Variants in GIGYF2 observed in about 807,000 individuals in gnomAD.
GIGYF2 encodes the protein GRB10 interacting GYF protein 2.
Under a neutral mutation model 208.1 loss-of-function variants are expected in GIGYF2, and 25 were observed. The observed-to-expected ratio is 0.12, with a 90% CI of 0.09 to 0.17. The LOEUF (loss-of-function observed/expected upper bound fraction) is 0.17, where lower values mean the gene tolerates loss of function less well. Ranked by LOEUF, GIGYF2 falls within the 10% of genes least tolerant of loss-of-function variation. The pLI is 1.00. For missense variants in GIGYF2, 1,302 were observed against 1,579.4 expected (o/e 0.82, Z 2.98); for synonymous variants, 534 against 543.8 (o/e 0.98, Z 0.25).
chr2:232,815,576 G>T, intron 18 of GIGYF2, 61 bp from the exon 19 acceptor site: 1 of 911,702 alleles, frequency 1.1e-6, no homozygotes, highest in Non-Finnish European at 1.8e-6. Flanking sequence ...TGATTCCTAC[G>T]GATATGTCAC....
chr2:232,800,624 G>T (rs1700368418), intron 14 of GIGYF2, among the ~76,000 whole-genome samples: 1 of 148,206 alleles, frequency 6.7e-6, no homozygotes, highest in African/African-American at 2.5e-5. Context: ...TTGCTCTGTT[G>T]CCCAGGCTGG....
intron 5 of GIGYF2, 24 bp from the exon 6 acceptor site, chr2:232,756,197 CTT>C (rs759525243): frequency 0.029 from 20,101 of 689,952 alleles, no homozygotes; most frequent in East Asian, 0.059. Context: ...TCCTTTTTCT[CTT>C]TTTTTTTTTT....
chr2:232,847,692 A>G, intron 27 of GIGYF2, 121 bp downstream of exon 27: 1 of 1,343,972 alleles, frequency 7.4e-7, no homozygotes, highest in East Asian at 2.3e-5. Flanking sequence ...ACCATGCTTT[A>G]AAAAATGTGT....
chr2:232,850,000 A>G (rs753758653), intron 27 of GIGYF2, among the ~76,000 whole-genome samples: 15 of 152,206 alleles, frequency 9.9e-5, no homozygotes, highest in Non-Finnish European at 1.6e-4. Context: ...TTCTGCCGTC[A>G]CAGCAGGGTG....
intron 3 of GIGYF2, among the ~76,000 whole-genome samples, chr2:232,736,937 C>G (rs1295919401): frequency 6.6e-6 from 1 of 152,186 alleles, no homozygotes; most frequent in Non-Finnish European, 1.5e-5. Context: ...AAAAGAAAAA[C>G]TGATGATATT....
chr2:232,718,075 T>C (rs996303121), intron 2 of GIGYF2, among the ~76,000 whole-genome samples: 1 of 152,090 alleles, frequency 6.6e-6, no homozygotes. Flanking sequence ...TGAATATCAG[T>C]AATTTTTTTT....
At chr2:232,851,254 G>A (rs528385812) in intron 28 of GIGYF2, among the ~76,000 whole-genome samples, 4 of 152,294 alleles carry the variant, frequency 2.6e-5, no homozygotes, top group African/African-American at 9.6e-5. Context: ...GTTGAAGGCT[G>A]CAGTGAGCTG....
At chr2:232,793,058 T>C (rs1700118492) in intron 12 of GIGYF2, among the ~76,000 whole-genome samples, 1 of 151,948 alleles carries the variant, frequency 6.6e-6, no homozygotes, top group South Asian at 2.1e-4. Context: ...AATTTGGAGG[T>C]AAGTGTAGAT....
Position 232,752,457 on chromosome 2 carries a change from A to AG in GIGYF2, c.267+3376dup, listed in dbSNP as rs538043101. ...ATGTATCTGTGTATCAAATATAGTG[A>AG]GAAAAAAATGCATTACACCTGCAAT... On this transcript the variant is annotated intron_variant, in intron 5 of 28. Transcript: ENST00000373563. 1.2e-4 allele frequency among the ~76,000 whole-genome samples: 18 copies of AG among 152,330 alleles called. No individual in the cohort carries two copies. In the East Asian group the frequency reaches 3.5e-3, roughly 29 times the overall value.
In GIGYF2 at chr2:232,815,662, T is replaced by A; in HGVS notation, c.2133T>A (p.Asp711Glu). 1 of 1,600,050 alleles carries A rather than the reference T, an allele frequency of 6.2e-7. No individual in the cohort carries two copies. Among genetic ancestry groups the A allele is most frequent in the South Asian group, 1.1e-5 (1 of 90,762 alleles). The change falls in exon 19 of 29, where the codon GAT becomes GAA. Residue 711 changes from aspartate (D) to glutamate (E), a missense_variant. By Grantham distance (45) the Asp-to-Glu change is conservative. This residue lies in a region of GIGYF2 where 701 missense variants were observed against 793.0 expected (regional missense o/e 0.88). Transcript: ENST00000373563. ...TTTGGGAAGGTGGTAGTGTATGGGA[T>A]CTTCCTCTGGACACCACGACACCAG... is the stretch of plus-strand genomic sequence containing the variant. ...PTVWEGGSVW[D>E]LPLDTTTPGP... is the part of the protein sequence containing the mutation.
chr2:232,839,388 CATGAG>C (rs1701748894), intron 22 of GIGYF2, among the ~76,000 whole-genome samples: 1 of 152,218 alleles, frequency 6.6e-6, no homozygotes, highest in Non-Finnish European at 1.5e-5. Flanking sequence ...CAGCATCTCT[CATGAG>C]ATGAGAAATC....
chr2:232,818,213 T>G (rs1413034050), intron 20 of GIGYF2, among the ~76,000 whole-genome samples: 2 of 152,232 alleles, frequency 1.3e-5, no homozygotes, highest in Non-Finnish European at 2.9e-5. Flanking sequence ...GGCTAAGACT[T>G]CTGCCTTCTC....
chr2:232,756,130 G>A (rs1698526669), intron 5 of GIGYF2, 93 bp from the exon 6 acceptor site: 2 of 719,750 alleles, frequency 2.8e-6, no homozygotes, highest in African/African-American at 1.8e-5. Context: ...CAGTAGGAAT[G>A]TGGGGAGAAG....
chr2:232,826,782 T>G (rs1371100986), intron 21 of GIGYF2, among the ~76,000 whole-genome samples: 1 of 152,200 alleles, frequency 6.6e-6, no homozygotes, highest in Non-Finnish European at 1.5e-5. Flanking sequence ...TCAAACAGCA[T>G]CACATACTGC....
chr2:232,793,626 G>A (rs1700137433), intron 12 of GIGYF2, among the ~76,000 whole-genome samples: 1 of 152,152 alleles, frequency 6.6e-6, no homozygotes, highest in Admixed American at 6.6e-5. Flanking sequence ...ATGAGGGACT[G>A]TAGCTAGATG....
At position 232,720,583 on chromosome 2, in the gene GIGYF2, A is replaced by ATATTTTT. The variant is rs376956632; in HGVS notation, c.-43-14571_-43-14570insATTTTTT. On this transcript the variant is annotated intron_variant, in intron 2 of 28. Coordinates refer to ENST00000373563, the MANE Select transcript of GIGYF2 (RefSeq NM_001103146.3). The stretch of plus-strand genomic sequence containing the variant: ...CAGTGTAATATATATATATATATAT[A>ATATTTTT]TTTTTGTTTGTTTGTTTGTTTGTTT... 4.5e-3 allele frequency among the ~76,000 whole-genome samples: 658 copies of ATATTTTT among 144,970 alleles called. 1 individual carries two copies. Among genetic ancestry groups the ATATTTTT allele is most frequent in the Non-Finnish European group, 7.1e-3 (466 of 65,918 alleles).
intron 28 of GIGYF2, among the ~76,000 whole-genome samples, chr2:232,855,877 C>T (rs1221263034): frequency 6.6e-6 from 1 of 152,128 alleles, no homozygotes; most frequent in African/African-American, 2.4e-5. Flanking sequence ...GATACACACT[C>T]ACATCCCATT....
At chr2:232,706,502 G>T (rs1484021740) in intron 2 of GIGYF2, among the ~76,000 whole-genome samples, 1 of 152,114 alleles carries the variant, frequency 6.6e-6, no homozygotes, top group African/African-American at 2.4e-5. Flanking sequence ...TTTGGCTGGG[G>T]CGTGGTGGCT....
chr2:232,811,448 C>G, intron 17 of GIGYF2, 97 bp downstream of exon 17: 7 of 772,128 alleles, frequency 9.1e-6, no homozygotes, highest in Non-Finnish European at 1.6e-5. Context: ...ATTTCTGGCA[C>G]TGGAACACTC....
Sources: allele counts gnomAD v4.1 joint callset (sites outside exome capture counted in the v4.1 genomes callset), GRCh38; gene constraint gnomAD v4.1.1; regional missense constraint gnomAD v4.1.1; transcripts MANE v1.5; gene names NCBI Gene and HGNC (gene_info 2026-07-23, HGNC 2026-07-21).